Variants in TAF3 observed in about 807,000 individuals in gnomAD.
TAF3 encodes the protein transcription initiation factor TFIID subunit 3.
TAF3 carries 7 observed loss-of-function variants against 80.6 expected under a neutral mutation model. That is an observed-to-expected ratio of 0.09 (90% CI 0.05 to 0.16). TAF3 has a LOEUF of 0.16. TAF3 is among the 10% of genes least tolerant of loss of function. The probability of loss-of-function intolerance (pLI) is 1.00; values close to 1 mark genes in which losing one functional copy is unlikely to be tolerated. For missense variants in TAF3, 921 were observed against 1,140.2 expected (o/e 0.81, Z 2.77); for synonymous variants, 444 against 446.1 (o/e 1.00, Z 0.06).
chr10:7,969,658 A>G (rs1389274818), intron 3 of TAF3, among the ~76,000 whole-genome samples: 2 of 152,242 alleles, frequency 1.3e-5, no homozygotes. Context: ...TTAAATAGAA[A>G]GTAAGCCAAA....
At position 8,009,136 on chromosome 10, in the gene TAF3, C is replaced by A. The variant is rs758858558; in HGVS notation, c.2374C>A (p.Pro792Thr). ...CAAGCCGGCGCCCTCGCAGAACAGG[C>A]CGAAGACCCCACCGCCGGCCCCCGC... ...EAKPAPSQNR[P>T]KTPPPAPAPA... The change falls in exon 5 of 7, where the codon CCG becomes ACG. Residue 792 changes from proline to threonine, a missense_variant. Around this residue, in one of 6 missense-constraint regions of TAF3, gnomAD observed 743 missense variants for 821.0 expected, o/e 0.90. Transcript: ENST00000344293. This position sits in a 1 kb window ranked among gnomAD's most constrained non-coding sequence, Gnocchi z 4.1. 2 of 1,595,246 alleles carry A rather than the reference C, an allele frequency of 1.3e-6. No homozygotes were observed. Among genetic ancestry groups the A allele is most frequent in the Non-Finnish European group, 1.7e-6 (2 of 1,171,702 alleles).
chr10:8,011,663 G>C (rs1194111439), intron 5 of TAF3, among the ~76,000 whole-genome samples: 1 of 152,190 alleles, frequency 6.6e-6, no homozygotes, highest in Non-Finnish European at 1.5e-5. Context: ...AATCATTGTA[G>C]GTGTTTAATT....
intron 2 of TAF3, among the ~76,000 whole-genome samples, chr10:7,879,169 A>T (rs900908523): frequency 1.3e-5 from 2 of 152,146 alleles, no homozygotes; most frequent in African/African-American, 4.8e-5. Flanking sequence ...TGTTATTTTA[A>T]AATAGTAGAT....
At chr10:7,946,228 A>G (rs1838023006) in intron 2 of TAF3, among the ~76,000 whole-genome samples, 1 of 152,130 alleles carries the variant, frequency 6.6e-6, no homozygotes, top group Non-Finnish European at 1.5e-5. Flanking sequence ...AGCTCTCTTG[A>G]CCTACCCAAC....
At chr10:7,836,103 G>A (rs1240058882) in intron 2 of TAF3, among the ~76,000 whole-genome samples, 1 of 151,942 alleles carries the variant, frequency 6.6e-6, no homozygotes. Context: ...CTAAAACATT[G>A]GTGCTTCTAA....
chr10:7,863,672 CATATATATATAT>C (rs745710710), intron 2 of TAF3, among the ~76,000 whole-genome samples: 1 of 41,806 alleles, frequency 2.4e-5, no homozygotes, highest in Non-Finnish European at 4.5e-5. Context: ...TATATACACA[CATATATATATAT>C]ACACACACAT....
Position 7,969,241 on chromosome 10 carries a change from G to A in TAF3, c.2232+3499G>A, listed in dbSNP as rs139368212. ...TCTCAGCTGCTTGGGAGGCTAAGGC[G>A]GGAGGATAGCACCACTGCACTTCAG... On this transcript the variant is annotated intron_variant, in intron 3 of 6. Coordinates refer to ENST00000344293, the MANE Select transcript of TAF3 (RefSeq NM_031923.4). 5.4e-3 allele frequency among the ~76,000 whole-genome samples: 815 copies of A among 152,092 alleles called. 13 individuals are homozygous for A. Among genetic ancestry groups the A allele is most frequent in the African/African-American group, 0.019 (787 of 41,502 alleles).
At chr10:7,899,900 T>G (rs1837542592) in intron 2 of TAF3, among the ~76,000 whole-genome samples, 1 of 152,194 alleles carries the variant, frequency 6.6e-6, no homozygotes, top group Non-Finnish European at 1.5e-5. Context: ...TTAGTGACTT[T>G]TCTAGATTAT....
intron 2 of TAF3, among the ~76,000 whole-genome samples, chr10:7,940,538 G>C (rs1418348806): frequency 6.6e-6 from 1 of 152,198 alleles, no homozygotes; most frequent in Non-Finnish European, 1.5e-5. Context: ...CATAAAGTTA[G>C]AAACAGCCGT....
intron 2 of TAF3, among the ~76,000 whole-genome samples, chr10:7,962,496 A>G (rs1831518903): frequency 2.0e-5 from 3 of 152,172 alleles, no homozygotes; most frequent in Non-Finnish European, 2.9e-5. Context: ...CTGGAATTCA[A>G]AAGTCCTAGG....
At chr10:7,848,415 C>T (rs1270140708) in intron 2 of TAF3, among the ~76,000 whole-genome samples, 1 of 152,074 alleles carries the variant, frequency 6.6e-6, no homozygotes, top group Admixed American at 6.6e-5. Flanking sequence ...CTTTCATGTA[C>T]AGTGTGTTCA....
intron 2 of TAF3, among the ~76,000 whole-genome samples, chr10:7,903,984 G>A (rs111940203): frequency 0.011 from 1,664 of 152,238 alleles, 20 homozygotes; most frequent in Middle Eastern, 0.031. Flanking sequence ...GAGCAGATCT[G>A]GGTCAGGGTG....
chr10:8,005,889 G>A (rs1350995487), intron 4 of TAF3, among the ~76,000 whole-genome samples: 1 of 152,138 alleles, frequency 6.6e-6, no homozygotes, highest in Non-Finnish European at 1.5e-5. Context: ...AAGATCACAG[G>A]CTCTAAAATC....
intron 2 of TAF3, among the ~76,000 whole-genome samples, chr10:7,934,110 A>C (rs1178183178): frequency 2.6e-5 from 4 of 152,250 alleles, no homozygotes; most frequent in Non-Finnish European, 2.9e-5. Flanking sequence ...AATTCTGACA[A>C]CTCAAGGTTG....
In TAF3 at chr10:7,875,194, C is replaced by T. The variant is rs541335232; in HGVS notation, c.409+50634C>T. Among the ~76,000 whole-genome samples, 64 of 152,108 alleles carry T rather than the reference C, an allele frequency of 4.2e-4. No homozygotes were observed. The Middle Eastern group carries it at 0.01, about 24-fold the overall frequency. The stretch of plus-strand genomic sequence containing the variant: ...CACCATTGCTGTCATAATTGTTCCT[C>T]CTCGATATTTTTTTTCTGTCTCCAT... On this transcript the variant is annotated intron_variant, in intron 2 of 6. Coordinates refer to ENST00000344293, the MANE Select transcript of TAF3 (RefSeq NM_031923.4).
rs1389263502 is a variant in TAF3 at position 7,863,704 on chromosome 10, T to TACAC, written c.409+39146_409+39149dup. Among the ~76,000 whole-genome samples the TACAC allele has an allele frequency of 2.1e-4, 11 of 52,990 alleles. 2 individuals are homozygous for TACAC. The highest frequency in any genetic ancestry group is 2.7e-4 in the Non-Finnish European group (7 of 26,224). The allele number at this position is 52,990 out of a possible 152,430, so 34.8% of individuals were successfully genotyped here. ...ATATATACACACACATATATATATA[T>TACAC]ACACATATATATATACACATATATA... On this transcript the variant is annotated intron_variant, in intron 2 of 6. Transcript: ENST00000344293.
At chr10:7,919,744 T>C (rs1393692610) in intron 2 of TAF3, among the ~76,000 whole-genome samples, 1 of 152,200 alleles carries the variant, frequency 6.6e-6, no homozygotes, top group Non-Finnish European at 1.5e-5. Flanking sequence ...ATACTGTTTT[T>C]ATTGCTATTA....
intron 2 of TAF3, among the ~76,000 whole-genome samples, chr10:7,918,260 T>C (rs1325978217): frequency 6.6e-6 from 1 of 151,984 alleles, no homozygotes; most frequent in Non-Finnish European, 1.5e-5. Flanking sequence ...ATGTATGAAA[T>C]GGTCTTCATG....
chr10:8,000,901 T>C (rs1192563877), intron 4 of TAF3, among the ~76,000 whole-genome samples: 1 of 152,182 alleles, frequency 6.6e-6, no homozygotes, highest in African/African-American at 2.4e-5. Context: ...GTTTGCTTTT[T>C]TTATTTTCTT....
Sources: allele counts gnomAD v4.1 joint callset (sites outside exome capture counted in the v4.1 genomes callset), GRCh38; gene constraint gnomAD v4.1.1; regional missense constraint gnomAD v4.1.1; non-coding constraint Gnocchi (gnomAD v3.1); transcripts MANE v1.5; gene names NCBI Gene and HGNC (gene_info 2026-07-23, HGNC 2026-07-21).